TG: variants seen among roughly 807,000 people sequenced by gnomAD.
TG encodes thyroid hormones.
Under a neutral mutation model 324.7 loss-of-function variants are expected in TG, and 270 were observed. The observed-to-expected ratio is 0.83, with a 90% CI of 0.75 to 0.92. TG has a LOEUF of 0.92. Ranked by LOEUF, TG falls within the 40% of genes least tolerant of loss-of-function variation. The pLI, the probability that TG is intolerant of heterozygous loss-of-function variation, is 0.00. For synonymous variants in TG, 1,401 were observed against 1,327.0 expected (o/e 1.06, Z -1.21); for missense variants, 3,591 against 3,456.4 (o/e 1.04, Z -0.98).
chr8:132,929,182 G>A lies in TG; in HGVS notation c.4806G>A (p.Gln1602=), dbSNP rs765373393. The change falls in exon 23 of 48, where the codon CAG becomes CAA. Residue 1602 remains glutamine, a synonymous_variant. Transcript: ENST00000220616. ...KVPDSEFPVM[Q]CLTDCTEDEA... ...CTGATTCTGAGTTCCCCGTGATGCA[G>A]TGCTTGACAGGTGAGGAGTGGTGGG... The A allele has an allele frequency of 2.5e-6, 4 of 1,613,696 alleles. No individual in the cohort carries two copies. The highest frequency in any genetic ancestry group is 1.7e-6 in the Non-Finnish European group (2 of 1,179,700).
rs377740345 is a variant in TG at position 132,969,672 on chromosome 8, G to T, written c.5975+103G>T. On this transcript the variant is annotated intron_variant, in intron 32 of 47. Transcript: ENST00000220616. ...AAACAGAAGCATACCCAGCACTTTG[G>T]GAGGCCGAGCTGGGCTGATCACGAG... The T allele has an allele frequency of 1.3e-4, 114 of 902,844 alleles. No homozygotes were observed. In the East Asian group the frequency reaches 1.7e-3, roughly 13 times the overall value. 55.9% of individuals were successfully genotyped at this position (902,844 alleles called of 1,614,324 possible).
chr8:133,019,120 C>T (rs1013668748), intron 38 of TG, among the ~76,000 whole-genome samples: 3 of 152,160 alleles, frequency 2.0e-5, no homozygotes, highest in Admixed American at 2.0e-4. Flanking sequence ...AGCCAAGTCA[C>T]CCATTGGGTA....
At chr8:132,946,857 G>A (rs778064117) in intron 26 of TG, among the ~76,000 whole-genome samples, 16 of 152,174 alleles carry the variant, frequency 1.1e-4, no homozygotes, top group Admixed American at 8.5e-4. Context: ...CTCAGGCACA[G>A]CCTTCTCAGG....
chr8:133,067,917 A>AGG lies in TG; in HGVS notation c.7240-27127_7240-27126insGG, dbSNP rs375286665. Among the ~76,000 whole-genome samples the AGG allele has an allele frequency of 5.3e-4, 19 of 36,008 alleles. 1 individual carries two copies. Among genetic ancestry groups the AGG allele is most frequent in the Non-Finnish European group, 9.9e-4 (14 of 14,210 alleles). The allele number at this position is 36,008 out of a possible 152,430, so 23.6% of individuals were successfully genotyped here. On this transcript the variant is annotated intron_variant, in intron 41 of 47. Coordinates refer to ENST00000220616, the MANE Select transcript of TG (RefSeq NM_003235.5). ...ATGGAAGGAAGGAAGGAAGGAAGGAAAGAGAGAGAGAGAGAAAGAAAGAAA... is the reference window on the plus strand; with the variant it reads ...ATGGAAGGAAGGAAGGAAGGAAGGAAGGAGAGAGAGAGAGAGAAAGAAAGAAA...
chr8:132,905,547 T>C (rs191202720), intron 16 of TG, among the ~76,000 whole-genome samples: 17 of 151,990 alleles, frequency 1.1e-4, no homozygotes, highest in African/African-American at 3.9e-4. Context: ...GAACAAAATC[T>C]CTAATGGTGT....
In TG at chr8:132,923,198, A is replaced by G. The variant is rs853301; in HGVS notation, c.4529-140A>G. The G allele has an allele frequency of 0.58, 546,416 of 939,264 alleles. 163,118 individuals are homozygous for G. The highest frequency in any genetic ancestry group is 0.65 in the Admixed American group (32,526 of 50,322). 58.2% of individuals were successfully genotyped at this position (939,264 alleles called of 1,614,324 possible). Reference sequence around the variant, plus strand: ...GGGCCTTATTGATCAGAACAGTGGGAACACTGAAGAGTTTTAAGCTGGAAT... The same window carrying G: ...GGGCCTTATTGATCAGAACAGTGGGGACACTGAAGAGTTTTAAGCTGGAAT... On this transcript the variant is annotated intron_variant, in intron 21 of 47. Transcript: ENST00000220616.
Position 132,901,501 on chromosome 8 carries a change from C to G in TG, c.3582C>G (p.Ser1194Arg). 1 of 1,614,020 alleles carries G rather than the reference C, an allele frequency of 6.2e-7. No homozygotes were observed. The highest frequency in any genetic ancestry group is 1.1e-5 in the South Asian group (1 of 91,076). ...GCAGCTGCTGGTGTGTCATGGACAG[C>G]GGAGAAGAGGTGCCTGGGACGCGCG... is the stretch of plus-strand genomic sequence containing the variant. The part of the protein sequence containing the change: ...AQGSCWCVMD[S>R]GEEVPGTRVT... Residue 1194 changes from serine to arginine, a missense_variant, in exon 16 of 48, where the codon AGC becomes AGG. Ser to Arg is a moderately radical substitution (Grantham distance 110). Transcript: ENST00000220616.
At position 133,070,029 on chromosome 8, in the gene TG, A is replaced by AAAAAAAAAAAAAAAC. The variant is rs376711807; in HGVS notation, c.7240-25014_7240-25013insAAAAAAAAAAAAACA. On this transcript the variant is annotated intron_variant, in intron 41 of 47. Transcript: ENST00000220616. The stretch of plus-strand genomic sequence containing the variant: ...AAAAAAAAAAAAAAAAAAAAAAAGA[A>AAAAAAAAAAAAAAAC]AGAAAGAAAGAAAAGAAAAGAAGAA... Among the ~76,000 whole-genome samples the AAAAAAAAAAAAAAAC allele has an allele frequency of 2.4e-4, 26 of 109,798 alleles. 7 individuals carry two copies. Among genetic ancestry groups the AAAAAAAAAAAAAAAC allele is most frequent in the African/African-American group, 8.5e-4 (22 of 25,814 alleles). 72.0% of individuals were successfully genotyped at this position (109,798 alleles called of 152,430 possible).
At chr8:133,027,957 T>A (rs1836261515) in intron 40 of TG, among the ~76,000 whole-genome samples, 1 of 152,252 alleles carries the variant, frequency 6.6e-6, no homozygotes, top group Non-Finnish European at 1.5e-5. Context: ...GTAGGATCTC[T>A]CTTGCTTTCT....
intron 22 of TG, among the ~76,000 whole-genome samples, chr8:132,925,737 C>T (rs1821775911): frequency 6.6e-6 from 1 of 152,158 alleles, no homozygotes; most frequent in East Asian, 1.9e-4. Context: ...CTGGTGATCA[C>T]CATCAGTCCT....
chr8:132,932,352 A>T (rs1226543422), intron 23 of TG, among the ~76,000 whole-genome samples: 17 of 152,172 alleles, frequency 1.1e-4, no homozygotes, highest in Admixed American at 1.1e-3. Context: ...TATCCCAGAT[A>T]CCAGTGGCTT....
intron 35 of TG, among the ~76,000 whole-genome samples, chr8:132,989,565 T>C (rs1832046995): frequency 6.6e-6 from 1 of 152,196 alleles, no homozygotes; most frequent in Non-Finnish European, 1.5e-5. Flanking sequence ...GACCTCATCC[T>C]GGAGCTCAGT....
chr8:133,099,568 A>G (rs771842118), intron 43 of TG, among the ~76,000 whole-genome samples: 34 of 152,128 alleles, frequency 2.2e-4, no homozygotes, highest in Non-Finnish European at 1.3e-4. Flanking sequence ...CTTCACTTAC[A>G]TGTCTCATAG....
At chr8:133,093,343 A>G (rs1847882034) in intron 41 of TG, among the ~76,000 whole-genome samples, 1 of 151,072 alleles carries the variant, frequency 6.6e-6, no homozygotes, top group Non-Finnish European at 1.5e-5. Context: ...GGATCCTGGG[A>G]GTTAGGATTC....
At chr8:133,101,084 G>T (rs2979021) in intron 43 of TG, among the ~76,000 whole-genome samples, 47,823 of 151,894 alleles carry the variant, frequency 0.31, 8,169 homozygotes, top group African/African-American at 0.44. Flanking sequence ...GGCAGGAGTG[G>T]GGAGGGTGGC....
intron 41 of TG, among the ~76,000 whole-genome samples, chr8:133,034,800 G>A (rs1335075093): frequency 6.6e-6 from 1 of 152,138 alleles, no homozygotes; most frequent in African/African-American, 2.4e-5. Context: ...TGGGCTGCCA[G>A]GGCTTCCAGA....
chr8:133,068,877 G>A (rs962427033), intron 41 of TG, among the ~76,000 whole-genome samples: 1 of 152,280 alleles, frequency 6.6e-6, no homozygotes, highest in African/African-American at 2.4e-5. Flanking sequence ...TCAGCCTGTG[G>A]CTCTGTTGGA....
rs577577765 is a variant in TG, at chr8:133,118,604, C to T, written c.7862+1888C>T. ...CTTCTCAGAGTGCTGGGATTACAGGCGTGAGCCACTGTACCTGGCCCTGAC... is the reference window on the plus strand; with the variant it reads ...CTTCTCAGAGTGCTGGGATTACAGGTGTGAGCCACTGTACCTGGCCCTGAC... On this transcript the variant is annotated intron_variant, in intron 45 of 47. Coordinates refer to ENST00000220616, the MANE Select transcript of TG (RefSeq NM_003235.5). Among the ~76,000 whole-genome samples, 29 of 152,234 alleles carry T rather than the reference C, an allele frequency of 1.9e-4. No individual in the cohort carries two copies. The East Asian group carries it at 4.1e-3, about 21-fold the overall frequency.
chr8:133,050,357 T>A (rs933236390), intron 41 of TG: 5 of 287,910 alleles, frequency 1.7e-5, no homozygotes, highest in Non-Finnish European at 3.3e-5. Context: ...TCAGTGAAGA[T>A]CTAAATAAAA....
Sources: gnomAD v4.1 joint callset for allele counts (sites outside exome capture counted in the v4.1 genomes callset) on GRCh38, gnomAD v4.1.1 for gene constraint, MANE v1.5 for transcripts, NCBI Gene and HGNC (gene_info 2026-07-23, HGNC 2026-07-21) for gene names.